TIAM1: variants seen among roughly 807,000 people sequenced by gnomAD.
The protein encoded by TIAM1 is TIAM Rac1 associated GEF 1, also known as rho guanine nucleotide exchange factor TIAM1.
TIAM1 carries 65 observed loss-of-function variants against 163.5 expected under a neutral mutation model. That is an observed-to-expected ratio of 0.40 (90% CI 0.33 to 0.49). The LOEUF (loss-of-function observed/expected upper bound fraction) is 0.49. TIAM1 is among the 20% of genes least tolerant of loss of function. The pLI is 0.77. For synonymous variants in TIAM1, 833 were observed against 810.1 expected (o/e 1.03, Z -0.48); for missense variants, 1,789 against 2,044.7 (o/e 0.87, Z 2.41).
intron 1 of TIAM1, among the ~76,000 whole-genome samples, chr21:31,484,953 T>A (rs1422369675): frequency 6.6e-6 from 1 of 152,186 alleles, no homozygotes; most frequent in Non-Finnish European, 1.5e-5. Context: ...TTCCACCATG[T>A]AAGGACTCAG....
At chr21:31,298,137 A>G (rs2074362096) in intron 2 of TIAM1, among the ~76,000 whole-genome samples, 1 of 152,088 alleles carries the variant, frequency 6.6e-6, no homozygotes, top group African/African-American at 2.4e-5. Flanking sequence ...CTTGACTGTC[A>G]TGAGAACCCA....
At chr21:31,317,779 C>CA (rs1031919106) in intron 2 of TIAM1, among the ~76,000 whole-genome samples, 6 of 151,786 alleles carry the variant, frequency 4.0e-5, no homozygotes, top group East Asian at 1.9e-4. Flanking sequence ...GACTCTGCCT[C>CA]AAAAAAAACC....
intron 6 of TIAM1, among the ~76,000 whole-genome samples, chr21:31,243,656 T>A (rs2071342515): frequency 6.6e-6 from 1 of 152,156 alleles, no homozygotes; most frequent in Non-Finnish European, 1.5e-5. Flanking sequence ...GATACATATC[T>A]GAAAGACAAT....
intron 1 of TIAM1, among the ~76,000 whole-genome samples, chr21:31,536,529 C>T (rs757910889): frequency 1.3e-5 from 2 of 152,234 alleles, no homozygotes; most frequent in Non-Finnish European, 2.9e-5. Flanking sequence ...TCACCCGATA[C>T]TCTTCAATCC....
intron 4 of TIAM1, among the ~76,000 whole-genome samples, chr21:31,259,590 C>A (rs761865793): frequency 3.3e-5 from 5 of 151,300 alleles, no homozygotes; most frequent in Non-Finnish European, 5.9e-5. Context: ...CCACTGCACT[C>A]CAGCCTGGGA....
chr21:31,477,717 A>T (rs529198528), intron 1 of TIAM1, among the ~76,000 whole-genome samples: 20 of 152,130 alleles, frequency 1.3e-4, no homozygotes, highest in African/African-American at 3.4e-4. Context: ...GCATTTTTTT[A>T]AAATTGAGAT....
At chr21:31,367,109 A>T (rs535823134) in intron 2 of TIAM1, among the ~76,000 whole-genome samples, 2 of 147,820 alleles carry the variant, frequency 1.4e-5, no homozygotes, top group Non-Finnish European at 3.0e-5. Context: ...CAGGCAGGTA[A>T]GCAGGCAAGA....
At chr21:31,358,272 A>AT (rs1234190276) in intron 2 of TIAM1, among the ~76,000 whole-genome samples, 1 of 152,112 alleles carries the variant, frequency 6.6e-6, no homozygotes, top group African/African-American at 2.4e-5. Context: ...GTTGTTCTAC[A>AT]CCACTGTTTG....
intron 2 of TIAM1, among the ~76,000 whole-genome samples, chr21:31,369,230 A>AAAAAC (rs2076552893): frequency 6.7e-6 from 1 of 150,264 alleles, no homozygotes; most frequent in Non-Finnish European, 1.5e-5. Flanking sequence ...CATCTCAAAA[A>AAAAAC]AAAAGAAAGA....
intron 6 of TIAM1, among the ~76,000 whole-genome samples, chr21:31,228,219 TTAA>T (rs1225837178): frequency 0.032 from 555 of 17,580 alleles, 14 homozygotes; most frequent in African/African-American, 0.036. Flanking sequence ...CCTCCTTTTT[TTAA>T]AAAAAAAAAA....
chr21:31,309,628 G>T (rs1001258625), intron 2 of TIAM1, among the ~76,000 whole-genome samples: 3 of 152,182 alleles, frequency 2.0e-5, no homozygotes, highest in African/African-American at 4.8e-5. Flanking sequence ...CTTCTGAAAA[G>T]TCATGAGAAT....
In TIAM1 at chr21:31,120,565, G is replaced by T. The variant is rs771792246; in HGVS notation, c.4579C>A (p.Arg1527=). The part of the protein sequence containing the change: ...GASVDRDLQE[R]LQATSISQRE... ...TGACTGATGGAGGTGGCCTGAAGCC[G>T]CTCCTGCAGGTCTCTGTCCACTGAG... Residue 1527 remains arginine, a synonymous_variant, in exon 28 of 28, where the codon CGG becomes AGG. Transcript: ENST00000541036. The surrounding 1 kb of genome is among the most constrained non-coding windows in gnomAD (Gnocchi z 4.2). The T allele has an allele frequency of 6.2e-7, 1 of 1,614,146 alleles. No individual in the cohort carries two copies. The highest frequency in any genetic ancestry group is 8.5e-7 in the Non-Finnish European group (1 of 1,180,028).
intron 1 of TIAM1, among the ~76,000 whole-genome samples, chr21:31,528,798 CTAAA>C (rs948698233): frequency 7.4e-6 from 1 of 135,554 alleles, no homozygotes; most frequent in African/African-American, 2.8e-5. Context: ...GAGCAAGACT[CTAAA>C]TAAATAAATA....
intron 2 of TIAM1, among the ~76,000 whole-genome samples, chr21:31,394,737 C>CACACACAG (rs2077032013): frequency 1.0e-5 from 1 of 98,052 alleles, no homozygotes; most frequent in Non-Finnish European, 2.1e-5. Context: ...CTCACACACA[C>CACACACAG]ACACACACAC....
intron 2 of TIAM1, among the ~76,000 whole-genome samples, chr21:31,407,506 G>C (rs751365282): frequency 9.2e-5 from 14 of 152,110 alleles, no homozygotes; most frequent in Non-Finnish European, 2.1e-4. Flanking sequence ...GTGCTGAGGT[G>C]AGCCACTGGA....
At chr21:31,160,698 C>T in intron 16 of TIAM1, 2 of 391,972 alleles carry the variant, frequency 5.1e-6, no homozygotes, top group Non-Finnish European at 9.0e-6. Flanking sequence ...AATCTACGGC[C>T]ACGTCTCAAC....
chr21:31,316,158 G>A (rs78272368), intron 2 of TIAM1, among the ~76,000 whole-genome samples: 22,634 of 152,056 alleles, frequency 0.15, 1,930 homozygotes, highest in Middle Eastern at 0.32. Context: ...TTAAATGAGA[G>A]GTACCCTGAT....
At chr21:31,255,099 G>A (rs1230443569) in intron 4 of TIAM1, among the ~76,000 whole-genome samples, 3 of 152,104 alleles carry the variant, frequency 2.0e-5, no homozygotes, top group African/African-American at 7.2e-5. Context: ...TTCAACTCTG[G>A]GACAACCACT....
At chr21:31,425,653 CTT>C (rs2043762952) in intron 2 of TIAM1, among the ~76,000 whole-genome samples, 1 of 96,354 alleles carries the variant, frequency 1.0e-5, no homozygotes, top group African/African-American at 4.2e-5. Flanking sequence ...CTCCCTCTTT[CTT>C]TCTTTCTCTC....
Sources: allele counts gnomAD v4.1 joint callset (sites outside exome capture counted in the v4.1 genomes callset), GRCh38; gene constraint gnomAD v4.1.1; non-coding constraint Gnocchi (gnomAD v3.1); transcripts MANE v1.5; gene names NCBI Gene and HGNC (gene_info 2026-07-23, HGNC 2026-07-21).